EYA4: variants seen among roughly 807,000 people sequenced by gnomAD.
EYA4 encodes EYA transcriptional coactivator and phosphatase 4, also known as protein phosphatase EYA4.
EYA4 carries 31 observed loss-of-function variants against 87.9 expected under a neutral mutation model. The observed-to-expected ratio is 0.35, with a 90% CI of 0.27 to 0.48. The LOEUF is 0.48. Ranked by LOEUF, EYA4 falls within the 20% of genes least tolerant of loss-of-function variation. The pLI, the probability that EYA4 is intolerant of heterozygous loss-of-function variation, is 0.99. For missense variants in EYA4, 678 were observed against 761.4 expected, an observed-to-expected ratio of 0.89 and a Z score of 1.29; for synonymous variants, 263 against 270.6, an observed-to-expected ratio of 0.97 and a Z score of 0.28.
chr6:133,484,669 G>T (rs1796537730), intron 13 of EYA4, among the ~76,000 whole-genome samples: 1 of 152,146 alleles, frequency 6.6e-6, no homozygotes, highest in South Asian at 2.1e-4. Context: ...AAGTAGTATT[G>T]GCTTATCAGA....
rs906155816 is a variant in EYA4 at position 133,336,296 on chromosome 6, C to T, written c.34-46096C>T. On this transcript the variant is annotated intron_variant, in intron 2 of 19. Transcript: ENST00000355286. Reference sequence around the variant, plus strand: ...TTACAGTGATAATATATCAGAGTCACCACTTTAATCAAGGGATTAGATTTA... The same window carrying T: ...TTACAGTGATAATATATCAGAGTCATCACTTTAATCAAGGGATTAGATTTA... 2.0e-5 allele frequency among the ~76,000 whole-genome samples: 3 copies of T among 152,086 alleles called. No individual in the cohort carries two copies. In the East Asian group the frequency reaches 5.8e-4, roughly 29 times the overall value.
chr6:133,441,466 TAGAAGGGTGCGCACTTAC>T (rs1435758750), intron 3 of EYA4, among the ~76,000 whole-genome samples: 14 of 152,228 alleles, frequency 9.2e-5, no homozygotes, highest in Admixed American at 2.0e-4. Flanking sequence ...CATACTTCTA[TAGAAGGGTGCGCACTTAC>T]AGATAGAGCA....
intron 16 of EYA4, among the ~76,000 whole-genome samples, chr6:133,514,304 G>C (rs193069708): frequency 1.3e-5 from 2 of 152,138 alleles, no homozygotes; most frequent in Non-Finnish European, 2.9e-5. Context: ...ATCAATGGTA[G>C]ATAATATGTT....
At chr6:133,493,658 T>A (rs75455958) in intron 13 of EYA4, among the ~76,000 whole-genome samples, 6,732 of 152,006 alleles carry the variant, frequency 0.044, 466 homozygotes, top group African/African-American at 0.14. Flanking sequence ...GAAGAGATAA[T>A]CCACAGAATA....
intron 11 of EYA4, 29 bp from the exon 12 acceptor site, chr6:133,481,434 A>G (rs1796207942): frequency 6.2e-7 from 1 of 1,609,308 alleles, no homozygotes; most frequent in Non-Finnish European, 8.5e-7. Flanking sequence ...ATGAAGTGCT[A>G]TTCTTGACCT....
At chr6:133,518,949 G>A (rs1799853562) in intron 17 of EYA4, among the ~76,000 whole-genome samples, 1 of 150,602 alleles carries the variant, frequency 6.6e-6, no homozygotes, top group South Asian at 2.1e-4. Flanking sequence ...TGAAACCAAC[G>A]AGAACAAAGA....
chr6:133,422,663 A>G (rs1001799422), intron 3 of EYA4, among the ~76,000 whole-genome samples: 2 of 152,264 alleles, frequency 1.3e-5, no homozygotes, highest in Non-Finnish European at 2.9e-5. Context: ...ACAAGTTTTA[A>G]TAACAGTAAA....
intron 2 of EYA4, among the ~76,000 whole-genome samples, chr6:133,301,269 T>C (rs934778795): frequency 3.3e-5 from 5 of 152,248 alleles, no homozygotes; most frequent in Non-Finnish European, 7.3e-5. Flanking sequence ...AAGGAAAACC[T>C]GATGAATGGA....
chr6:133,317,321 A>G (rs1307656944), intron 2 of EYA4, among the ~76,000 whole-genome samples: 1 of 152,250 alleles, frequency 6.6e-6, no homozygotes, highest in African/African-American at 2.4e-5. Context: ...ATAATGACCC[A>G]TATAAATAAA....
intron 2 of EYA4, among the ~76,000 whole-genome samples, chr6:133,288,044 G>T (rs546523907): frequency 6.6e-6 from 1 of 152,078 alleles, no homozygotes; most frequent in African/African-American, 2.4e-5. Context: ...TAGAAGAATC[G>T]CTGGAACCCA....
At chr6:133,262,798 A>G (rs1775903185) in intron 1 of EYA4, among the ~76,000 whole-genome samples, 1 of 152,194 alleles carries the variant, frequency 6.6e-6, no homozygotes, top group Admixed American at 6.5e-5. Context: ...ATCTTTATAG[A>G]CAGCTCAAAA....
chr6:133,274,386 G>T (rs1776994932), intron 1 of EYA4, among the ~76,000 whole-genome samples: 1 of 152,142 alleles, frequency 6.6e-6, no homozygotes, highest in Non-Finnish European at 1.5e-5. Context: ...ACTCTTGATT[G>T]TTAATCTGTC....
At position 133,530,524 on chromosome 6, in the gene EYA4, C is replaced by G; in HGVS notation, c.*1719C>G. ...CCTGGAGTCAGGCTACTAGTCAGTG[C>G]CCCTAGCCAGAGGCTGGTTCATGAG... On this transcript the variant is annotated 3_prime_UTR_variant, in exon 20 of 20. Coordinates refer to ENST00000355286, the MANE Select transcript of EYA4 (RefSeq NM_004100.5). 1 of 985,752 alleles carries G rather than the reference C, an allele frequency of 1.0e-6. No individual in the cohort carries two copies. Among genetic ancestry groups the G allele is most frequent in the Non-Finnish European group, 1.2e-6 (1 of 829,840 alleles). 61.1% of individuals were successfully genotyped at this position (985,752 alleles called of 1,614,324 possible).
At chr6:133,450,741 C>T (rs1482053224) in intron 5 of EYA4, among the ~76,000 whole-genome samples, 1 of 152,202 alleles carries the variant, frequency 6.6e-6, no homozygotes, top group Admixed American at 6.5e-5. Context: ...GAACTCCTCA[C>T]CTCAGGTGAT....
intron 2 of EYA4, among the ~76,000 whole-genome samples, chr6:133,277,907 A>C (rs1295186439): frequency 1.3e-5 from 2 of 152,034 alleles, no homozygotes; most frequent in Non-Finnish European, 2.9e-5. Context: ...GAGCTCCCTT[A>C]GTTTAGTTGA....
Position 133,394,282 on chromosome 6 carries a change from G to GTATTTTTTTTTTTT in EYA4, c.83+11842_83+11843insATTTTTTTTTTTTT, listed in dbSNP as rs1562368948. ...GTTGGAAAAATGTATATATAAGCTTGTGTTTTTTTTTTTTTTTTTTTTTTT... is the reference window on the plus strand; with the variant it reads ...GTTGGAAAAATGTATATATAAGCTTGTATTTTTTTTTTTTTGTTTTTTTTTTTTTTTTTTTTTTT... On this transcript the variant is annotated intron_variant, in intron 3 of 19. Transcript: ENST00000355286. Among the ~76,000 whole-genome samples the GTATTTTTTTTTTTT allele has an allele frequency of 2.8e-5, 3 of 107,844 alleles. 1 individual carries two copies. Among genetic ancestry groups the GTATTTTTTTTTTTT allele is most frequent in the Admixed American group, 1.0e-4 (1 of 9,750 alleles). The allele number at this position is 107,844 out of a possible 152,430, so 70.7% of individuals were successfully genotyped here.
At chr6:133,302,230 TTAAA>T (rs764071664) in intron 2 of EYA4, among the ~76,000 whole-genome samples, 11 of 152,138 alleles carry the variant, frequency 7.2e-5, no homozygotes, top group Non-Finnish European at 1.3e-4. Flanking sequence ...CTCTTTTTTT[TTAAA>T]TAAATAAATA....
intron 3 of EYA4, among the ~76,000 whole-genome samples, chr6:133,417,139 G>C (rs1192784458): frequency 6.6e-6 from 1 of 152,220 alleles, no homozygotes; most frequent in Non-Finnish European, 1.5e-5. Context: ...AGTTGGAAGA[G>C]ATCCAGAATC....
At chr6:133,266,142 G>A (rs1192358552) in intron 1 of EYA4, among the ~76,000 whole-genome samples, 1 of 152,146 alleles carries the variant, frequency 6.6e-6, no homozygotes, top group East Asian at 1.9e-4. Flanking sequence ...TTGGAAACAG[G>A]GTCTTTGCAG....
Sources: gnomAD v4.1 joint callset for allele counts (sites outside exome capture counted in the v4.1 genomes callset) on GRCh38, gnomAD v4.1.1 for gene constraint, MANE v1.5 for transcripts, NCBI Gene and HGNC (gene_info 2026-07-23, HGNC 2026-07-21) for gene names.